The following ARHGAP20 variants were observed in gnomAD, a reference collection of about 807,000 sequenced individuals.
ARHGAP20 encodes rho GTPase-activating protein 20.
A neutral mutation model predicts 73.7 loss-of-function variants in ARHGAP20; 34 were observed. The ratio of observed to expected loss-of-function variants is 0.46; its 90% CI spans 0.35 to 0.61. The LOEUF is 0.61. Among genes scored for constraint, ARHGAP20 ranks in the 20% least tolerant of loss-of-function variants. ARHGAP20 has a pLI of 0.00. For synonymous variants in ARHGAP20, 523 were observed against 518.2 expected (o/e 1.01, Z -0.13); for missense variants, 1,314 against 1,420.9 (o/e 0.92, Z 1.21).
chr11:110,596,163 A>G (rs1947954031), intron 9 of ARHGAP20, among the ~76,000 whole-genome samples: 1 of 152,136 alleles, frequency 6.6e-6, no homozygotes, highest in African/African-American at 2.4e-5. Flanking sequence ...TTAAAGACTT[A>G]CATGTTAGAC....
intron 2 of ARHGAP20, among the ~76,000 whole-genome samples, chr11:110,674,696 C>T (rs2135077210): frequency 1.3e-5 from 2 of 152,138 alleles, no homozygotes; most frequent in East Asian, 3.9e-4. Context: ...CACTTCTGGT[C>T]CCAAGCATTT....
chr11:110,634,878 A>T (rs1948931975), intron 2 of ARHGAP20, among the ~76,000 whole-genome samples: 1 of 152,136 alleles, frequency 6.6e-6, no homozygotes, highest in Admixed American at 6.6e-5. Context: ...CACTTCAGGG[A>T]AACAATCCAG....
At chr11:110,639,758 T>C (rs1949043484) in intron 2 of ARHGAP20, among the ~76,000 whole-genome samples, 1 of 152,050 alleles carries the variant, frequency 6.6e-6, no homozygotes, top group South Asian at 2.1e-4. Context: ...TTGTAGCATG[T>C]ATTAGCACTT....
intron 2 of ARHGAP20, among the ~76,000 whole-genome samples, chr11:110,642,239 G>C (rs536562340): frequency 9.9e-5 from 15 of 152,168 alleles, no homozygotes; most frequent in Admixed American, 6.6e-4. Flanking sequence ...TCGGTGAAGA[G>C]AGATAGTTTG....
intron 2 of ARHGAP20, among the ~76,000 whole-genome samples, chr11:110,635,788 CA>C: frequency 6.7e-6 from 1 of 149,538 alleles, no homozygotes; most frequent in African/African-American, 2.5e-5. Flanking sequence ...TTCACCATCA[CA>C]GAAAAAAAAA....
At chr11:110,701,524 T>C (rs1300531618) in intron 1 of ARHGAP20, among the ~76,000 whole-genome samples, 11 of 150,458 alleles carry the variant, frequency 7.3e-5, no homozygotes, top group African/African-American at 1.5e-4. Context: ...TTCTCCCATT[T>C]TGTAGGTTGC....
chr11:110,591,084 T>C (rs911639602), intron 10 of ARHGAP20, among the ~76,000 whole-genome samples: 17 of 152,224 alleles, frequency 1.1e-4, no homozygotes, highest in African/African-American at 3.4e-4. Flanking sequence ...TGATCTATTA[T>C]ATAACATTAT....
At chr11:110,663,635 G>A (rs756036388) in intron 2 of ARHGAP20, among the ~76,000 whole-genome samples, 8 of 151,812 alleles carry the variant, frequency 5.3e-5, no homozygotes, top group South Asian at 2.1e-4. Context: ...AAAACTCCAC[G>A]CCCAAACAGC....
At position 110,619,673 on chromosome 11, in the gene ARHGAP20, C is replaced by T. The variant is rs199624006; in HGVS notation, c.504-4079G>A. 1.2e-3 allele frequency among the ~76,000 whole-genome samples: 179 copies of T among 148,176 alleles called. 4 individuals carry two copies. The East Asian group carries it at 0.032, about 26-fold the overall frequency. ...AGTATATGTAGTGATAGAGTATATGCAGTGATAGAGTATATGTAGTGATAG... is the reference window on the plus strand; with the variant it reads ...AGTATATGTAGTGATAGAGTATATGTAGTGATAGAGTATATGTAGTGATAG... On this transcript the variant is annotated intron_variant, in intron 4 of 14. Transcript: ENST00000683387.
chr11:110,600,024 C>G (rs536496900), intron 9 of ARHGAP20, among the ~76,000 whole-genome samples: 8 of 152,218 alleles, frequency 5.3e-5, no homozygotes, highest in African/African-American at 1.7e-4. Context: ...GGAGCTGCCC[C>G]CTGTGGGTCT....
At chr11:110,649,731 TTATTGCA>T (rs1352387169) in intron 2 of ARHGAP20, among the ~76,000 whole-genome samples, 1 of 152,164 alleles carries the variant, frequency 6.6e-6, no homozygotes, top group Non-Finnish European at 1.5e-5. Flanking sequence ...ACAAAGCTAC[TTATTGCA>T]AAGCCAGACC....
chr11:110,683,236 A>T (rs1452237739), intron 2 of ARHGAP20, among the ~76,000 whole-genome samples: 2 of 152,180 alleles, frequency 1.3e-5, no homozygotes, highest in African/African-American at 4.8e-5. Context: ...TAAACAATGA[A>T]GAAATACCAT....
intron 9 of ARHGAP20, among the ~76,000 whole-genome samples, chr11:110,596,309 T>C (rs1472030488): frequency 6.7e-6 from 1 of 150,330 alleles, no homozygotes; most frequent in Non-Finnish European, 1.5e-5. Flanking sequence ...CTAATTAAAC[T>C]AAAGAGCTTC....
Position 110,586,329 on chromosome 11 carries a change from A to AAAT in ARHGAP20, c.1306-7_1306-5dup, listed in dbSNP as rs1947665764. ...CTGGAATATTTCGCAGAAAATCCTT[A>AAAT]AATAGATGGAAAAACAAATATTTCA... On this transcript the variant is annotated splice_region_variant and splice_polypyrimidine_tract_variant and intron_variant, in intron 11 of 14. Coordinates refer to ENST00000683387, the MANE Select transcript of ARHGAP20 (RefSeq NM_001384657.1). The AAAT allele has an allele frequency of 6.7e-7, 1 of 1,488,414 alleles. No homozygotes were observed. Among genetic ancestry groups the AAAT allele is most frequent in the Admixed American group, 2.0e-5 (1 of 48,938 alleles). 92.2% of individuals were successfully genotyped at this position (1,488,414 alleles called of 1,614,324 possible). A position where few individuals can be genotyped will look rare whatever the true frequency, so the allele number is the denominator to read the frequency against.
intron 1 of ARHGAP20, 157 bp downstream of exon 1, chr11:110,711,970 G>A (rs1022162854): frequency 1.8e-5 from 23 of 1,254,006 alleles, no homozygotes; most frequent in Non-Finnish European, 2.3e-5. Context: ...CGTCAAGGGC[G>A]GGAAGTGTTC....
chr11:110,663,726 G>A (rs1287398650), intron 2 of ARHGAP20, among the ~76,000 whole-genome samples: 2 of 152,042 alleles, frequency 1.3e-5, no homozygotes, highest in South Asian at 4.1e-4. Context: ...TTTAAGGGGA[G>A]AGAATAGCTC....
chr11:110,581,328 T>C lies in ARHGAP20; in HGVS notation c.1721-103A>G, dbSNP rs1947462561. ...TTTTCATGTGAAGTGTTCAAATTCC[T>C]ACTCTCAAGAAAGAGAGAATCTTTC... On this transcript the variant is annotated intron_variant, in intron 14 of 14. Transcript: ENST00000683387. 1.6e-5 allele frequency: 19 copies of C among 1,201,406 alleles called. 1 individual carries two copies. The South Asian group carries it at 3.1e-4, about 20-fold the overall frequency. The allele number at this position is 1,201,406 out of a possible 1,614,324, so 74.4% of individuals were successfully genotyped here. A position where few individuals can be genotyped will look rare whatever the true frequency, so the allele number is the denominator to read the frequency against.
intron 11 of ARHGAP20, 57 bp from the exon 12 acceptor site, chr11:110,586,382 T>C: frequency 5.5e-6 from 6 of 1,093,078 alleles, no homozygotes; most frequent in Middle Eastern, 2.4e-4. Context: ...CAAATATGTA[T>C]TAGAGAAAGT....
intron 2 of ARHGAP20, among the ~76,000 whole-genome samples, chr11:110,663,968 A>C (rs1949668873): frequency 6.6e-6 from 1 of 152,232 alleles, no homozygotes; most frequent in Admixed American, 6.5e-5. Context: ...AATATAATTC[A>C]CATAGTACAA....
Sources: gnomAD v4.1 joint callset for allele counts (sites outside exome capture counted in the v4.1 genomes callset) on GRCh38, gnomAD v4.1.1 for gene constraint, MANE v1.5 for transcripts, NCBI Gene and HGNC (gene_info 2026-07-23, HGNC 2026-07-21) for gene names.